Variants in IFT80 observed in about 807,000 individuals in gnomAD.
The protein encoded by IFT80 is intraflagellar transport protein 80 homolog.
In IFT80, 79 loss-of-function variants were observed where a neutral mutation model predicts 107.9. The ratio of observed to expected loss-of-function variants is 0.73; its 90% CI spans 0.61 to 0.88. The LOEUF (loss-of-function observed/expected upper bound fraction) is 0.88. Ranked by LOEUF, IFT80 falls within the 40% of genes least tolerant of loss-of-function variation. IFT80 has a pLI of 0.00. For missense variants in IFT80, 797 were observed against 914.2 expected, an observed-to-expected ratio of 0.87 and a Z score of 1.65; for synonymous variants, 299 against 300.9, an observed-to-expected ratio of 0.99 and a Z score of 0.07.
intron 9 of IFT80, 136 bp from the exon 10 acceptor site, chr3:160,307,917 G>A (rs1211778865): frequency 1.1e-5 from 7 of 643,156 alleles, no homozygotes; most frequent in Middle Eastern, 3.8e-4. Flanking sequence ...GAATTTAATA[G>A]AAACTAGGCA....
At chr3:160,355,038 A>G (rs1720970545) in intron 8 of IFT80, among the ~76,000 whole-genome samples, 1 of 152,228 alleles carries the variant, frequency 6.6e-6, no homozygotes, top group Non-Finnish European at 1.5e-5. Flanking sequence ...TAAAACAGCC[A>G]CACTCAAACT....
intron 8 of IFT80, among the ~76,000 whole-genome samples, chr3:160,324,855 C>T (rs1440311721): frequency 9.9e-5 from 15 of 152,024 alleles, no homozygotes; most frequent in Middle Eastern, 3.4e-3. Flanking sequence ...TGTTTGCAGA[C>T]GACATGACTG....
At chr3:160,315,700 C>T (rs1576798020) in intron 9 of IFT80, among the ~76,000 whole-genome samples, 1 of 152,016 alleles carries the variant, frequency 6.6e-6, no homozygotes, top group Non-Finnish European at 1.5e-5. Context: ...CCCTCTTTTC[C>T]CTTTGCCATT....
intron 18 of IFT80, among the ~76,000 whole-genome samples, chr3:160,270,384 A>G (rs1433840775): frequency 1.3e-5 from 2 of 152,244 alleles, no homozygotes; most frequent in Non-Finnish European, 2.9e-5. Context: ...GACAACTGAT[A>G]GACTTTTGAG....
At chr3:160,316,576 T>C (rs1717838876) in intron 9 of IFT80, among the ~76,000 whole-genome samples, 1 of 152,164 alleles carries the variant, frequency 6.6e-6, no homozygotes. Flanking sequence ...CATATATCTA[T>C]CTATCATTTT....
At chr3:160,340,382 T>A (rs1193448681) in intron 8 of IFT80, among the ~76,000 whole-genome samples, 1 of 152,166 alleles carries the variant, frequency 6.6e-6, no homozygotes, top group Admixed American at 6.6e-5. Flanking sequence ...TAGAAAAACA[T>A]AATTTGATTA....
chr3:160,365,968 G>T (rs1721833079), intron 6 of IFT80, 75 bp downstream of exon 6: 2 of 1,055,068 alleles, frequency 1.9e-6, no homozygotes, highest in Admixed American at 1.7e-5. Flanking sequence ...AGAAGAAAGA[G>T]ACTCCTAAGC....
At chr3:160,370,649 C>G (rs1010319285) in intron 5 of IFT80, among the ~76,000 whole-genome samples, 1 of 152,096 alleles carries the variant, frequency 6.6e-6, no homozygotes, top group Non-Finnish European at 1.5e-5. Context: ...ATGTAACTTA[C>G]TCCCAAATTA....
At chr3:160,313,208 A>T (rs1243440921) in intron 9 of IFT80, among the ~76,000 whole-genome samples, 5 of 141,914 alleles carry the variant, frequency 3.5e-5, no homozygotes, top group Middle Eastern at 3.6e-3. Context: ...TTTTTTTTTT[A>T]AAGATCCAAA....
chr3:160,398,265 T>C (rs1483056145), intron 1 of IFT80, among the ~76,000 whole-genome samples: 1 of 152,206 alleles, frequency 6.6e-6, no homozygotes. Flanking sequence ...CCACACCTTT[T>C]TGAGAATCAC....
chr3:160,272,959 A>G (rs938084072), intron 18 of IFT80, among the ~76,000 whole-genome samples: 4 of 152,214 alleles, frequency 2.6e-5, no homozygotes, highest in Non-Finnish European at 4.4e-5. Flanking sequence ...TGCATAGGTT[A>G]TATGTAAATA....
intron 15 of IFT80, 119 bp from the exon 16 acceptor site, chr3:160,279,483 C>T (rs200508245): frequency 1.3e-6 from 1 of 788,506 alleles, no homozygotes; most frequent in East Asian, 2.7e-5. Flanking sequence ...CTCCAAAAGG[C>T]ACACCCCCAA....
chr3:160,320,938 A>G (rs936726503), intron 8 of IFT80, among the ~76,000 whole-genome samples: 5 of 151,874 alleles, frequency 3.3e-5, no homozygotes, highest in Admixed American at 1.3e-4. Flanking sequence ...GTTCATACAT[A>G]ACATAAAAAT....
At chr3:160,333,060 C>T (rs1719198803) in intron 8 of IFT80, among the ~76,000 whole-genome samples, 1 of 152,112 alleles carries the variant, frequency 6.6e-6, no homozygotes. Context: ...AGGCTACAAA[C>T]CTATCAAGCA....
intron 10 of IFT80, 45 bp downstream of exon 10, chr3:160,307,618 C>G (rs761729565): frequency 4.8e-6 from 5 of 1,037,140 alleles, no homozygotes; most frequent in Non-Finnish European, 6.1e-6. Flanking sequence ...CTCCTCAGCA[C>G]AGACAGACAA....
At chr3:160,334,523 TCTG>T (rs1719319526) in intron 8 of IFT80, among the ~76,000 whole-genome samples, 2 of 152,138 alleles carry the variant, frequency 1.3e-5, no homozygotes, top group South Asian at 2.1e-4. Context: ...TTCAAGCAAT[TCTG>T]CTGCCTCAGC....
intron 7 of IFT80, among the ~76,000 whole-genome samples, chr3:160,357,242 G>C (rs926331061): frequency 6.6e-6 from 1 of 152,114 alleles, no homozygotes; most frequent in Non-Finnish European, 1.5e-5. Context: ...TGGGACCACA[G>C]ATGTGCTCCA....
Position 160,277,664 on chromosome 3 carries a change from T to C in IFT80, c.1843A>G (p.Thr615Ala), listed in dbSNP as rs1427585292. 2 of 1,612,196 alleles carry C rather than the reference T, an allele frequency of 1.2e-6. No homozygotes were observed. Among genetic ancestry groups the C allele is most frequent in the African/African-American group, 2.7e-5 (2 of 74,866 alleles). The change falls in exon 17 of 20, where the codon ACC (threonine) becomes GCC (alanine). Residue 615 changes from threonine (T) to alanine (A), a missense_variant. By Grantham distance (58) the Thr-to-Ala change is moderately conservative. Coordinates refer to ENST00000326448, the MANE Select transcript of IFT80 (RefSeq NM_020800.3). Reference protein sequence around the residue: ...VRLCRFVKEQTMWACLAAMAV... With the variant: ...VRLCRFVKEQAMWACLAAMAV... ...ATAGCAGCTAGACAAGCCCACATGG[T>C]TTGCTCCTAAAGTAAAGTATGAGAA...
intron 8 of IFT80, among the ~76,000 whole-genome samples, chr3:160,335,169 G>C (rs1299579985): frequency 6.7e-6 from 1 of 149,762 alleles, no homozygotes; most frequent in Non-Finnish European, 1.5e-5. Flanking sequence ...TGAGATAAGA[G>C]TTTCACTATG....
Sources: allele counts gnomAD v4.1 joint callset (sites outside exome capture counted in the v4.1 genomes callset), GRCh38; gene constraint gnomAD v4.1.1; transcripts MANE v1.5; gene names NCBI Gene and HGNC (gene_info 2026-07-23, HGNC 2026-07-21).